Variants in PCARE observed in about 807,000 individuals in gnomAD.
The protein encoded by PCARE is photoreceptor cilium actin regulator, also known as uncharacterized protein C2orf71.
In PCARE, 72 loss-of-function variants were observed where a neutral mutation model predicts 82.2. The observed-to-expected ratio is 0.88, with a 90% confidence interval of 0.72 to 1.07. The LOEUF (loss-of-function observed/expected upper bound fraction) is 1.07. Among genes scored for constraint, PCARE ranks in the 50% least tolerant of loss-of-function variants. The pLI, the probability that PCARE is intolerant of heterozygous loss-of-function variation, is 0.00. For synonymous variants in PCARE, 705 were observed against 634.8 expected (o/e 1.11, Z -1.66); for missense variants, 1,768 against 1,592.4 (o/e 1.11, Z -1.88).
In PCARE at chr2:29,073,338, T is replaced by A; in HGVS notation, c.924A>T (p.Glu308Asp). The change falls in exon 1 of 2, where the codon GAA (glutamate) becomes GAT (aspartate). Residue 308 changes from glutamate (E) to aspartate (D), a missense_variant. Physicochemically the swap from Glu to Asp is conservative, Grantham distance 45. Transcript: ENST00000331664. ...SYLHSTATHL[E>D]NKLSTKRNVD... Reference sequence around the variant, plus strand: ...CATTCCTTTTTGTGCTCAGCTTATTTTCCAAGTGGGTTGCAGTGGAGTGGA... The same window carrying A: ...CATTCCTTTTTGTGCTCAGCTTATTATCCAAGTGGGTTGCAGTGGAGTGGA... The A allele has an allele frequency of 6.2e-7, 1 of 1,614,104 alleles. No individual in the cohort carries two copies. The highest frequency in any genetic ancestry group is 8.5e-7 in the Non-Finnish European group (1 of 1,180,032).
In PCARE at chr2:29,071,125, C is replaced by T. The variant is rs752697018; in HGVS notation, c.3137G>A (p.Arg1046Gln). The change falls in exon 1 of 2, where the codon CGG (arginine) becomes CAG (glutamine). Residue 1046 changes from arginine to glutamine, a missense_variant. By Grantham distance (43) the Arg-to-Gln change is conservative. Coordinates refer to ENST00000331664, the MANE Select transcript of PCARE (RefSeq NM_001029883.3). ...PRVLSPPTTK[R>Q]RTSPPHQPKL... Reference sequence around the variant, plus strand: ...GGGCTGGTGCGGTGGGGAAGTTCGCCGCTTTGTGGTGGGTGGGCTTAGCAC... The same window carrying T: ...GGGCTGGTGCGGTGGGGAAGTTCGCTGCTTTGTGGTGGGTGGGCTTAGCAC... 1.6e-5 allele frequency: 26 copies of T among 1,579,838 alleles called. 1 individual carries two copies. Among genetic ancestry groups the T allele is most frequent in the South Asian group, 5.9e-5 (5 of 85,196 alleles).
chr2:29,064,521 A>T lies in PCARE; in HGVS notation c.*348T>A. On this transcript the variant is annotated 3_prime_UTR_variant, in exon 2 of 2. Coordinates refer to ENST00000331664, the MANE Select transcript of PCARE (RefSeq NM_001029883.3). ...CATTCACTGTTGTGAGGCTTAAGTG[A>T]TCTCAAGGAATGAACCCAGTTAAAA... 2.3e-6 allele frequency: 1 copy of T among 443,436 alleles called. No individual in the cohort carries two copies. Among genetic ancestry groups the T allele is most frequent in the Non-Finnish European group, 4.2e-6 (1 of 240,516 alleles). 27.5% of individuals were successfully genotyped at this position (443,436 alleles called of 1,614,324 possible). A position where few individuals can be genotyped will look rare whatever the true frequency, so the allele number is the denominator to read the frequency against.
rs1667496485 is a variant in PCARE, at chr2:29,071,944, C to T, written c.2318G>A (p.Gly773Glu). 1.2e-6 allele frequency: 2 copies of T among 1,614,146 alleles called. No individual in the cohort carries two copies. ...IMPPRFPKYT[G>E]LAPLYPKPQI... ...GGGCTTCGGATACAAAGGGGCAAGC[C>T]CTGTGTACTTGGGAAATCTGGGGGG... The change falls in exon 1 of 2, where the codon GGG becomes GAG. Residue 773 changes from glycine to glutamate, a missense_variant. Coordinates refer to ENST00000331664, the MANE Select transcript of PCARE (RefSeq NM_001029883.3).
Position 29,072,896 on chromosome 2 carries a change from A to G in PCARE, c.1366T>C (p.Cys456Arg), listed in dbSNP as rs769514557. The G allele has an allele frequency of 5.6e-6, 9 of 1,613,974 alleles. No individual in the cohort carries two copies. Among genetic ancestry groups the G allele is most frequent in the Non-Finnish European group, 4.2e-6 (5 of 1,180,014 alleles). Residue 456 changes from cysteine to arginine, a missense_variant, in exon 1 of 2, where the codon TGT (cysteine) becomes CGT (arginine). Physicochemically the swap from Cys to Arg is radical, Grantham distance 180. Transcript: ENST00000331664. ...GAGACCCCAATCCCAAAGGAATCAC[A>G]TGGGGTGCTTGTCCCCAGCTTCAAA... ...PPLKLGTSTP[C>R]DSFGIGVSVE...
In PCARE at chr2:29,073,774, GT is replaced by G. The variant is rs1219104992; in HGVS notation, c.487del (p.Thr163ProfsTer19). On this transcript the variant is annotated frameshift_variant, in exon 1 of 2. Coordinates refer to ENST00000331664, the MANE Select transcript of PCARE (RefSeq NM_001029883.3). LOFTEE classifies it high-confidence loss of function. ...TTCAGGCTCATGAGCAGGGTGGATG[GT>G]TTGGTAGCAGTGGCTCTGTGTGCTT... ...TSSTQSHCYQ[T>X]IHPAHEPEGK... 1.2e-6 allele frequency: 2 copies of G among 1,614,126 alleles called. No individual in the cohort carries two copies. The highest frequency in any genetic ancestry group is 1.7e-6 in the Non-Finnish European group (2 of 1,180,050).
rs1161049025 is a variant in PCARE at position 29,073,556 on chromosome 2, T to A, written c.706A>T (p.Ile236Phe). Residue 236 changes from isoleucine (I) to phenylalanine (F), a missense_variant, in exon 1 of 2, where the codon ATC becomes TTC. Ile to Phe is a conservative substitution (Grantham distance 21, BLOSUM62 0). Coordinates refer to ENST00000331664, the MANE Select transcript of PCARE (RefSeq NM_001029883.3). ...AGGAGCACTTCTCCATCCTTGGAGA[T>A]CTCCCCCAACAGCTGGCTGATCTCC... ...FEEISQLLGE[I>F]SKDGEVLLQE... is the part of the protein sequence containing the mutation. The A allele has an allele frequency of 6.2e-7, 1 of 1,613,982 alleles. No homozygotes were observed. The highest frequency in any genetic ancestry group is 1.3e-5 in the African/African-American group (1 of 74,876).
rs747885494 is a variant in PCARE, at chr2:29,071,717, G to A, written c.2545C>T (p.Pro849Ser). 8 of 1,613,980 alleles carry A rather than the reference G, an allele frequency of 5.0e-6. No homozygotes were observed. The East Asian group carries it at 1.8e-4, about 36-fold the overall frequency. Reference sequence around the variant, plus strand: ...TTCTCTGTGGACTTGCTGCTTTCTGGGGACTCCAGAGAAGCGAATGATTTG... The same window carrying A: ...TTCTCTGTGGACTTGCTGCTTTCTGAGGACTCCAGAGAAGCGAATGATTTG... ...MDKSFASLES[P>S]ESSKSTENSP... Residue 849 changes from proline (P) to serine (S), a missense_variant, in exon 1 of 2, where the codon CCA becomes TCA. Physicochemically the swap from Pro to Ser is moderately conservative, Grantham distance 74. Coordinates refer to ENST00000331664, the MANE Select transcript of PCARE (RefSeq NM_001029883.3).
At position 29,064,285 on chromosome 2, in the gene PCARE, C is replaced by G. The variant is rs1667359017; in HGVS notation, c.*584G>C. Reference sequence around the variant, plus strand: ...AGAAGCTTTGCGACCATTTGCGCACCCATGTCTGCTTTAGGCAGGTGGAGT... The same window carrying G: ...AGAAGCTTTGCGACCATTTGCGCACGCATGTCTGCTTTAGGCAGGTGGAGT... On this transcript the variant is annotated 3_prime_UTR_variant, in exon 2 of 2. Transcript: ENST00000331664. 1 of 158,946 alleles carries G rather than the reference C, an allele frequency of 6.3e-6. No individual in the cohort carries two copies. The highest frequency in any genetic ancestry group is 6.0e-5 in the Admixed American group (1 of 16,726). The allele number at this position is 158,946 out of a possible 1,614,324, so 9.8% of individuals were successfully genotyped here.
rs761471052 is a variant in PCARE, at chr2:29,071,984, T to C, written c.2278A>G (p.Arg760Gly). 4 of 1,613,934 alleles carry C rather than the reference T, an allele frequency of 2.5e-6. No individual in the cohort carries two copies. Among genetic ancestry groups the C allele is most frequent in the Admixed American group, 1.7e-5 (1 of 60,026 alleles). The stretch of plus-strand genomic sequence containing the variant: ...AATCTGGGGGGCATGATGCAATTCC[T>C]GAGGCAGGGACTTGCCCCAGCGTCC... ...SKDAGASPCL[R>G]NCIMPPRFPK... Residue 760 changes from arginine (R) to glycine (G), a missense_variant, in exon 1 of 2, where the codon AGG becomes GGG. Transcript: ENST00000331664.
rs952409284 is a variant in PCARE at position 29,073,401 on chromosome 2, C to T, written c.861G>A (p.Ser287=). The stretch of plus-strand genomic sequence containing the variant: ...AGCCCTCCAGGAAGCTGCCGGTGAG[C>T]GAGGCCACTGTGCCATTGAGCACCT... The part of the protein sequence containing the change: ...KLQVLNGTVA[S]LTGSFLEGSS... Residue 287 remains serine (S), a synonymous_variant, in exon 1 of 2, where the codon TCG becomes TCA. Coordinates refer to ENST00000331664, the MANE Select transcript of PCARE (RefSeq NM_001029883.3). The T allele has an allele frequency of 5.6e-6, 9 of 1,613,878 alleles. No homozygotes were observed. The highest frequency in any genetic ancestry group is 1.6e-4 in the Middle Eastern group (1 of 6,062).
chr2:29,072,702 G>A lies in PCARE; in HGVS notation c.1560C>T (p.Asp520=), dbSNP rs367995216. The A allele has an allele frequency of 6.8e-6, 11 of 1,613,960 alleles. No homozygotes were observed. In the African/African-American group the frequency reaches 1.2e-4, roughly 18 times the overall value. ...PHSRPQSSPA[D]RESPFQARTR... Reference sequence around the variant, plus strand: ...TGCGGGCCTGAAATGGGCTTTCCCGGTCAGCAGGTGAAGATTGTGGCCTTG... The same window carrying A: ...TGCGGGCCTGAAATGGGCTTTCCCGATCAGCAGGTGAAGATTGTGGCCTTG... Residue 520 remains aspartate (D), a synonymous_variant, in exon 1 of 2, where the codon GAC becomes GAT. Coordinates refer to ENST00000331664, the MANE Select transcript of PCARE (RefSeq NM_001029883.3).
rs759854007 is a variant in PCARE, at chr2:29,064,347, G to C, written c.*522C>G. The C allele has an allele frequency of 5.7e-6, 1 of 174,488 alleles. No individual in the cohort carries two copies. Among genetic ancestry groups the C allele is most frequent in the Non-Finnish European group, 1.2e-5 (1 of 80,476 alleles). 10.8% of individuals were successfully genotyped at this position (174,488 alleles called of 1,614,324 possible). ...TACGGGCAATGGAATGTAATAAAAA[G>C]AGCAGAGAGATTCTAACACCAGACT... On this transcript the variant is annotated 3_prime_UTR_variant, in exon 2 of 2. Transcript: ENST00000331664.
At position 29,070,952 on chromosome 2, in the gene PCARE, CTCT is replaced by C. The variant is rs776068108; in HGVS notation, c.3307_3309del (p.Arg1103del). Reference sequence around the variant, plus strand: ...ATGACTGCTTGGCTGTCTTCAGAGTCTCTTGTTTCCTTGTGCTCCTGAGAAGGG... The same window carrying C: ...ATGACTGCTTGGCTGTCTTCAGAGTCTGTTTCCTTGTGCTCCTGAGAAGGG... On this transcript the variant is annotated inframe_deletion, in exon 1 of 2. Coordinates refer to ENST00000331664, the MANE Select transcript of PCARE (RefSeq NM_001029883.3). 4.3e-6 allele frequency: 7 copies of C among 1,612,304 alleles called. No homozygotes were observed. Among genetic ancestry groups the C allele is most frequent in the Non-Finnish European group, 5.9e-6 (7 of 1,179,868 alleles).
chr2:29,068,631 C>G (rs1368874188), intron 1 of PCARE, among the ~76,000 whole-genome samples: 1 of 152,128 alleles, frequency 6.6e-6, no homozygotes, highest in South Asian at 2.1e-4. Context: ...CTTTCAGTGT[C>G]CAGTAATGGC....
intron 1 of PCARE, among the ~76,000 whole-genome samples, chr2:29,068,850 G>A (rs956131803): frequency 3.9e-5 from 6 of 152,202 alleles, no homozygotes; most frequent in African/African-American, 1.4e-4. Flanking sequence ...GAAGTTAGAG[G>A]AGAAGTGGAG....
Position 29,071,417 on chromosome 2 carries a change from T to C in PCARE, c.2845A>G (p.Ser949Gly). 6.2e-7 allele frequency: 1 copy of C among 1,613,624 alleles called. No homozygotes were observed. The highest frequency in any genetic ancestry group is 1.3e-5 in the African/African-American group (1 of 75,064). ...GCCTTCCGGGGCTGCCTGTAGAGGC[T>C]GGTGGCCTTCTCTGCCTGACTCCAA... ...GTWSQAEKATSLYRQPRKAIA... is the reference protein window; with the variant it reads ...GTWSQAEKATGLYRQPRKAIA... Residue 949 changes from serine (S) to glycine (G), a missense_variant, in exon 1 of 2, where the codon AGC becomes GGC. Ser to Gly is a moderately conservative substitution (Grantham distance 56, BLOSUM62 0). Coordinates refer to ENST00000331664, the MANE Select transcript of PCARE (RefSeq NM_001029883.3).
chr2:29,066,141 T>C (rs959539882), intron 1 of PCARE, among the ~76,000 whole-genome samples: 1 of 152,038 alleles, frequency 6.6e-6, no homozygotes, highest in Non-Finnish European at 1.5e-5. Flanking sequence ...AGAGTGAAAC[T>C]CTGTCTTAAA....
rs1667335610 is a variant in PCARE at position 29,063,082 on chromosome 2, T to TACCTAA, written c.*1786_*1787insTTAGGT. The TACCTAA allele has an allele frequency of 6.6e-6, 1 of 152,328 alleles. No homozygotes were observed. The highest frequency in any genetic ancestry group is 1.5e-5 in the Non-Finnish European group (1 of 68,098). 9.4% of individuals were successfully genotyped at this position (152,328 alleles called of 1,614,324 possible). On this transcript the variant is annotated 3_prime_UTR_variant, in exon 2 of 2. Coordinates refer to ENST00000331664, the MANE Select transcript of PCARE (RefSeq NM_001029883.3). Reference sequence around the variant, plus strand: ...GCTCACCCCATGGTGACCCAATGGTTGGTCTGCCCAACCATTTAGGGAGAA... The same window carrying TACCTAA: ...GCTCACCCCATGGTGACCCAATGGTTACCTAAGGTCTGCCCAACCATTTAGGGAGAA...
rs1572826756 is a variant in PCARE at position 29,071,402 on chromosome 2, GC to G, written c.2859del (p.Gln953HisfsTer82). On this transcript the variant is annotated frameshift_variant, in exon 1 of 2. Transcript: ENST00000331664. LOFTEE classifies it high-confidence loss of function. ...QAEKATSLYRQPRKAIAWHHS... is the reference protein window; with the variant it reads ...QAEKATSLYRXPRKAIAWHHS... ...TGGTGCCAGGCGATGGCCTTCCGGG[GC>G]TGCCTGTAGAGGCTGGTGGCCTTCT... 2 of 1,613,644 alleles carry G rather than the reference GC, an allele frequency of 1.2e-6. No individual in the cohort carries two copies. The highest frequency in any genetic ancestry group is 2.2e-5 in the South Asian group (2 of 91,086).
Sources: allele counts gnomAD v4.1 joint callset (sites outside exome capture counted in the v4.1 genomes callset), GRCh38; gene constraint gnomAD v4.1.1; transcripts MANE v1.5; gene names NCBI Gene and HGNC (gene_info 2026-07-23, HGNC 2026-07-21).